Variants in DMD observed in about 807,000 individuals in gnomAD.
The protein encoded by DMD is dystrophin.
Under a neutral mutation model 330.1 loss-of-function variants are expected in DMD, and 63 were observed. The observed-to-expected ratio is 0.19, with a 90% confidence interval of 0.16 to 0.24. DMD has a LOEUF of 0.24. Among genes scored for constraint, DMD ranks in the 10% least tolerant of loss-of-function variants. The probability of loss-of-function intolerance (pLI) is 1.00; values close to 1 mark genes in which losing one functional copy is unlikely to be tolerated. For synonymous variants in DMD, 1,223 were observed against 959.8 expected (o/e 1.27, Z -5.07); for missense variants, 3,344 against 2,684.1 (o/e 1.25, Z -5.43).
intron 16 of DMD, among the ~76,000 whole-genome samples, chrX:32,559,393 T>C (rs1387709490): frequency 1.8e-5 from 2 of 112,158 alleles, no homozygotes; most frequent in African/African-American, 6.5e-5. Flanking sequence ...TTCCAGATTT[T>C]AAAAAATTAT....
intron 2 of DMD, among the ~76,000 whole-genome samples, chrX:32,944,267 A>T (rs2090631740): frequency 8.9e-6 from 1 of 112,488 alleles, no homozygotes; most frequent in African/African-American, 3.2e-5. Flanking sequence ...TACAGATTTT[A>T]AAAATTATCT....
chrX:31,820,560 G>A (rs1489926531), intron 49 of DMD, among the ~76,000 whole-genome samples: 1 of 112,099 alleles, frequency 8.9e-6, no homozygotes, highest in Non-Finnish European at 1.9e-5. Flanking sequence ...AAAGACTCTT[G>A]TTCTAGATGA....
chrX:32,364,486 A>G, intron 36 of DMD, 96 bp downstream of exon 36: 1 of 981,587 alleles, frequency 1.0e-6, no homozygotes, highest in Non-Finnish European at 1.4e-6. Context: ...GGATTGTTTT[A>G]CTCTTATTAA....
intron 9 of DMD, among the ~76,000 whole-genome samples, chrX:32,661,846 T>C (rs1037311364): frequency 1.9e-4 from 21 of 111,655 alleles, no homozygotes; most frequent in African/African-American, 6.8e-4. Context: ...TTTACTCACA[T>C]TTTAAATTTT....
chrX:32,402,013 T>G (rs1175095553), intron 30 of DMD, among the ~76,000 whole-genome samples: 1 of 112,217 alleles, frequency 8.9e-6, no homozygotes, highest in African/African-American at 3.2e-5. Context: ...GGGCTAATTA[T>G]TAAAGTGGAG....
At chrX:31,236,748 T>C (rs181440977) in intron 63 of DMD, among the ~76,000 whole-genome samples, 1 of 112,036 alleles carries the variant, frequency 8.9e-6, no homozygotes, top group Non-Finnish European at 1.9e-5. Context: ...TCAACTAGTT[T>C]TTCATTAACT....
chrX:32,305,059 T>C (rs766526850), intron 42 of DMD, among the ~76,000 whole-genome samples: 1 of 111,816 alleles, frequency 8.9e-6, no homozygotes, highest in African/African-American at 3.2e-5. Flanking sequence ...CAATGTAATA[T>C]GCCCCTGTAT....
chrX:32,848,971 A>G (rs552567883), intron 3 of DMD, among the ~76,000 whole-genome samples: 1 of 111,120 alleles, frequency 9.0e-6, no homozygotes, highest in South Asian at 3.9e-4. Flanking sequence ...TTTGTATAAT[A>G]TGACAAAATC....
chrX:32,416,554 C>A (rs976014449), intron 29 of DMD, among the ~76,000 whole-genome samples: 2 of 111,818 alleles, frequency 1.8e-5, no homozygotes, highest in South Asian at 3.7e-4. Flanking sequence ...AAAACTAAAT[C>A]CCAAATTCCA....
At chrX:32,601,988 C>T (rs991127784) in intron 12 of DMD, among the ~76,000 whole-genome samples, 2 of 111,856 alleles carry the variant, frequency 1.8e-5, no homozygotes, top group African/African-American at 3.2e-5. Context: ...TCATCTAATA[C>T]ATTCTGACTA....
chrX:32,092,746 T>C (rs2096484004), intron 44 of DMD, among the ~76,000 whole-genome samples: 1 of 85,186 alleles, frequency 1.2e-5, no homozygotes, highest in Non-Finnish European at 2.3e-5. Flanking sequence ...TTTTTTTTTT[T>C]TTTTTTTTTT....
chrX:33,150,229 C>A (rs964321225), intron 1 of DMD, among the ~76,000 whole-genome samples: 17 of 109,819 alleles, frequency 1.5e-4, no homozygotes, highest in Admixed American at 2.9e-4. Flanking sequence ...AGTCTCTAAT[C>A]TGTACCACCA....
chrX:31,428,896 C>A (rs1219542817), intron 60 of DMD, among the ~76,000 whole-genome samples: 1 of 111,473 alleles, frequency 9.0e-6, no homozygotes, highest in African/African-American at 3.3e-5. Flanking sequence ...CCAAGGCGGG[C>A]AGATCACGAG....
intron 7 of DMD, among the ~76,000 whole-genome samples, chrX:32,730,491 T>A (rs1043148653): frequency 1.8e-5 from 2 of 112,071 alleles, no homozygotes; most frequent in East Asian, 5.6e-4. Context: ...CAACAGGAAG[T>A]AGACTTAGAG....
intron 43 of DMD, among the ~76,000 whole-genome samples, chrX:32,279,145 C>T (rs2097402762): frequency 9.0e-6 from 1 of 111,273 alleles, no homozygotes; most frequent in Admixed American, 9.5e-5. Context: ...ACGACATATC[C>T]AAAAGACAGG....
chrX:32,586,506 C>T (rs2054306994), intron 13 of DMD, among the ~76,000 whole-genome samples: 1 of 108,608 alleles, frequency 9.2e-6, no homozygotes, highest in African/African-American at 3.3e-5. Context: ...CATGCAAATG[C>T]TATATCTATT....
At position 32,454,837 on chromosome X, in the gene DMD, C is replaced by T. The variant is rs187700112; in HGVS notation, c.3433-5G>A. The T allele has an allele frequency of 8.3e-7, 1 of 1,203,074 alleles. No homozygotes were observed. The highest frequency in any genetic ancestry group is 3.0e-5 in the East Asian group (1 of 33,589). ...GGCCTCCTTTCTGGCATAGACCTTCCACAAAACAAACAAACAAAACACGAT... is the reference window on the plus strand; with the variant it reads ...GGCCTCCTTTCTGGCATAGACCTTCTACAAAACAAACAAACAAAACACGAT... On this transcript the variant is annotated splice_region_variant and splice_polypyrimidine_tract_variant and intron_variant, in intron 25 of 78. Transcript: ENST00000357033.
intron 1 of DMD, among the ~76,000 whole-genome samples, chrX:33,261,407 A>G (rs1569559268): frequency 9.0e-6 from 1 of 110,559 alleles, no homozygotes; most frequent in Non-Finnish European, 1.9e-5. Flanking sequence ...CTGACAGACT[A>G]TTTTCCCCCC....
At chrX:31,559,640 C>CAAAAAAA (rs1167550498) in intron 55 of DMD, among the ~76,000 whole-genome samples, 15 of 21,638 alleles carry the variant, frequency 6.9e-4, no homozygotes, top group East Asian at 4.6e-3. Context: ...AACTCCGTCT[C>CAAAAAAA]AAAAAAAAAA....
Sources: gnomAD v4.1 joint callset for allele counts (sites outside exome capture counted in the v4.1 genomes callset) on GRCh38, gnomAD v4.1.1 for gene constraint, MANE v1.5 for transcripts, NCBI Gene and HGNC (gene_info 2026-07-23, HGNC 2026-07-21) for gene names.